The following GLRA3 variants were observed in gnomAD, a reference collection of about 807,000 sequenced individuals.
GLRA3 encodes the protein glycine receptor alpha 3, also known as glycine receptor subunit alpha-3.
GLRA3 carries 44 observed loss-of-function variants against 60.4 expected under a neutral mutation model. The ratio of observed to expected loss-of-function variants is 0.73; its 90% confidence interval spans 0.57 to 0.94. The LOEUF (loss-of-function observed/expected upper bound fraction) is 0.94. Among genes scored for constraint, GLRA3 ranks in the 40% least tolerant of loss-of-function variants. The pLI is 0.00. For synonymous variants in GLRA3, 223 were observed against 192.9 expected (o/e 1.16, Z -1.29); for missense variants, 508 against 564.6 (o/e 0.90, Z 1.02).
intron 1 of GLRA3, among the ~76,000 whole-genome samples, chr4:174,807,925 A>G (rs981926263): frequency 6.6e-6 from 1 of 152,138 alleles, no homozygotes; most frequent in African/African-American, 2.4e-5. Flanking sequence ...CAAGAAATAG[A>G]CCAAGAATCC....
intron 5 of GLRA3, among the ~76,000 whole-genome samples, chr4:174,696,480 A>C (rs1735058210): frequency 6.7e-6 from 1 of 148,824 alleles, no homozygotes; most frequent in Non-Finnish European, 1.5e-5. Context: ...AATATAATTT[A>C]ATATAATATA....
At chr4:174,689,648 C>A (rs11941474) in intron 5 of GLRA3, among the ~76,000 whole-genome samples, 64,027 of 150,136 alleles carry the variant, frequency 0.43, 14,111 homozygotes, top group Middle Eastern at 0.54. Flanking sequence ...CACTATCCAC[C>A]GTAGCAAAGA....
intron 5 of GLRA3, among the ~76,000 whole-genome samples, chr4:174,684,726 G>A (rs1482411164): frequency 6.6e-6 from 1 of 152,218 alleles, no homozygotes; most frequent in African/African-American, 2.4e-5. Flanking sequence ...TGTTAAAAGC[G>A]CTTGGGCGCA....
intron 2 of GLRA3, among the ~76,000 whole-genome samples, chr4:174,770,718 T>C (rs1291958051): frequency 1.3e-5 from 2 of 152,086 alleles, no homozygotes; most frequent in African/African-American, 2.4e-5. Flanking sequence ...AGGGGCGCTG[T>C]ATTTAGTTAC....
intron 5 of GLRA3, among the ~76,000 whole-genome samples, chr4:174,699,736 T>C (rs1359231163): frequency 1.3e-5 from 2 of 151,772 alleles, no homozygotes; most frequent in African/African-American, 4.8e-5. Context: ...TTCAAATTTG[T>C]ACTGTTTAAA....
intron 3 of GLRA3, among the ~76,000 whole-genome samples, chr4:174,733,080 C>A (rs1371040651): frequency 6.6e-6 from 1 of 151,948 alleles, no homozygotes; most frequent in African/African-American, 2.4e-5. Flanking sequence ...TCATAAGAAT[C>A]CTTATAGCTG....
chr4:174,719,877 A>C (rs1306273925), intron 4 of GLRA3, among the ~76,000 whole-genome samples: 1 of 152,208 alleles, frequency 6.6e-6, no homozygotes, highest in East Asian at 1.9e-4. Context: ...CCTTGAATAA[A>C]CAGCACTTAA....
At chr4:174,660,549 G>T (rs750112644) in intron 7 of GLRA3, among the ~76,000 whole-genome samples, 10 of 152,114 alleles carry the variant, frequency 6.6e-5, no homozygotes, top group African/African-American at 9.7e-5. Flanking sequence ...TGTCTGCTAG[G>T]TTGCTCTATT....
chr4:174,768,116 A>G (rs1057472419), intron 2 of GLRA3, among the ~76,000 whole-genome samples: 3 of 152,114 alleles, frequency 2.0e-5, no homozygotes, highest in Non-Finnish European at 4.4e-5. Context: ...CAGGCAGAAT[A>G]CTGACAAAGC....
At chr4:174,767,376 T>C (rs1738187859) in intron 2 of GLRA3, among the ~76,000 whole-genome samples, 1 of 152,120 alleles carries the variant, frequency 6.6e-6, no homozygotes, top group Non-Finnish European at 1.5e-5. Flanking sequence ...GCATGGGCTA[T>C]ACTTTTCTAT....
rs140601529 is a variant in GLRA3 at position 174,674,740 on chromosome 4, T to C, written c.927+2338A>G. On this transcript the variant is annotated intron_variant, in intron 7 of 9. Coordinates refer to ENST00000274093, the MANE Select transcript of GLRA3 (RefSeq NM_006529.4). The stretch of plus-strand genomic sequence containing the variant: ...ACTTTGTTTTCCTACTTCCTAGAAA[T>C]TGTCAGTAGGTAAATTCTGGGTGTT... Among the ~76,000 whole-genome samples the C allele has an allele frequency of 1.9e-3, 288 of 152,290 alleles. 1 individual carries two copies. Among genetic ancestry groups the C allele is most frequent in the Non-Finnish European group, 3.1e-3 (208 of 68,022 alleles).
At chr4:174,819,412 T>G (rs1473175168) in intron 1 of GLRA3, among the ~76,000 whole-genome samples, 1 of 152,200 alleles carries the variant, frequency 6.6e-6, no homozygotes, top group African/African-American at 2.4e-5. Flanking sequence ...AATATCTCCA[T>G]GAAGTTTGCC....
chr4:174,722,225 A>G lies in GLRA3; in HGVS notation c.491+6250T>C, dbSNP rs1304914489. 2.0e-5 allele frequency among the ~76,000 whole-genome samples: 3 copies of G among 152,182 alleles called. No individual in the cohort carries two copies. In the South Asian group the frequency reaches 6.2e-4, roughly 32 times the overall value. On this transcript the variant is annotated intron_variant, in intron 4 of 9. Transcript: ENST00000274093. Reference sequence around the variant, plus strand: ...GGTAGCAGTTGTGCCTGAAACCCCTATGCCTAAAGCTTTTGAAAGAGCCTC... The same window carrying G: ...GGTAGCAGTTGTGCCTGAAACCCCTGTGCCTAAAGCTTTTGAAAGAGCCTC...
intron 3 of GLRA3, among the ~76,000 whole-genome samples, chr4:174,747,121 G>A (rs1178209843): frequency 6.6e-6 from 1 of 152,068 alleles, no homozygotes; most frequent in African/African-American, 2.4e-5. Context: ...TTCTGCCTTT[G>A]TGGCTCTTTC....
At chr4:174,782,701 G>A (rs7437809) in intron 2 of GLRA3, among the ~76,000 whole-genome samples, 38,335 of 152,028 alleles carry the variant, frequency 0.25, 5,619 homozygotes, top group East Asian at 0.5. Context: ...CAAATCATGA[G>A]TGAAATCCCA....
intron 5 of GLRA3, among the ~76,000 whole-genome samples, chr4:174,714,072 A>G (rs1735818043): frequency 6.6e-6 from 1 of 152,132 alleles, no homozygotes; most frequent in African/African-American, 2.4e-5. Flanking sequence ...TCTACCTTCC[A>G]CATAATTGCT....
Position 174,788,859 on chromosome 4 carries a change from G to T in GLRA3, c.156C>A (p.Gly52=). The T allele has an allele frequency of 3.1e-6, 5 of 1,607,606 alleles. No homozygotes were observed. Among genetic ancestry groups the T allele is most frequent in the Non-Finnish European group, 4.3e-6 (5 of 1,175,124 alleles). The change falls in exon 2 of 10, where the codon GGC becomes GGA. Residue 52 remains glycine, a synonymous_variant. Transcript: ENST00000274093. The stretch of plus-strand genomic sequence containing the variant: ...TTCTTGCATCATATCCTGATGTCCT[G>T]CCCATTAATTTATCCAGAAAATCAG... ...SPSDFLDKLM[G]RTSGYDARIR...
Position 174,642,972 on chromosome 4 carries a change from C to G in GLRA3, c.*814G>C, listed in dbSNP as rs143275119. 223 of 838,166 alleles carry G rather than the reference C, an allele frequency of 2.7e-4. No individual in the cohort carries two copies. In the African/African-American group the frequency reaches 3.8e-3, roughly 14 times the overall value. The allele number at this position is 838,166 out of a possible 1,614,324, so 51.9% of individuals were successfully genotyped here. The stretch of plus-strand genomic sequence containing the variant: ...AACACAATCACATACAGTTAAGTAG[C>G]TATTAAAAGTCTAACAAAAACAAGG... On this transcript the variant is annotated 3_prime_UTR_variant, in exon 10 of 10. Coordinates refer to ENST00000274093, the MANE Select transcript of GLRA3 (RefSeq NM_006529.4).
In GLRA3 at chr4:174,686,025, T is replaced by C. The variant is rs140038709; in HGVS notation, c.575-3086A>G. Among the ~76,000 whole-genome samples, 1,235 of 152,346 alleles carry C rather than the reference T, an allele frequency of 8.1e-3. 11 individuals carry two copies. Among genetic ancestry groups the C allele is most frequent in the Middle Eastern group, 0.017 (5 of 294 alleles). On this transcript the variant is annotated intron_variant, in intron 5 of 9. Coordinates refer to ENST00000274093, the MANE Select transcript of GLRA3 (RefSeq NM_006529.4). Reference sequence around the variant, plus strand: ...TAATACAATTTATAGACAGTATATGTATCTTGCTTTTGTTTAAAACAGTCA... The same window carrying C: ...TAATACAATTTATAGACAGTATATGCATCTTGCTTTTGTTTAAAACAGTCA...
Sources: allele counts gnomAD v4.1 joint callset (sites outside exome capture counted in the v4.1 genomes callset), GRCh38; gene constraint gnomAD v4.1.1; transcripts MANE v1.5; gene names NCBI Gene and HGNC (gene_info 2026-07-23, HGNC 2026-07-21).